A1BG: variants seen among roughly 807,000 people sequenced by gnomAD.
A1BG encodes the protein alpha-1-B glycoprotein.
In A1BG, 44 loss-of-function variants were observed where a neutral mutation model predicts 46.0. The ratio of observed to expected loss-of-function variants is 0.96; its 90% confidence interval spans 0.75 to 1.23. A1BG has a LOEUF of 1.23. A1BG is among the 50% of genes most tolerant of loss of function. The pLI, the probability that A1BG is intolerant of heterozygous loss-of-function variation, is 0.00. For missense variants in A1BG, 707 were observed against 688.8 expected (o/e 1.03, Z -0.30); for synonymous variants, 316 against 314.7 (o/e 1.00, Z -0.04).
In A1BG at chr19:58,351,523, C is replaced by T; in HGVS notation, c.778G>A (p.Asp260Asn). Residue 260 changes from aspartate (D) to asparagine (N), a missense_variant, in exon 5 of 8, where the codon GAT becomes AAT. Physicochemically the swap from Asp to Asn is conservative, Grantham distance 23. Transcript: ENST00000263100. ...LLVPRSSTSP[D>N]RIFFHLNAVA... Reference sequence around the variant, plus strand: ...GCGTTCAGGTGAAAGAAGATGCGATCTGGGCTGGTGCTGCTCCTGGGTACC... The same window carrying T: ...GCGTTCAGGTGAAAGAAGATGCGATTTGGGCTGGTGCTGCTCCTGGGTACC... 1 of 1,613,966 alleles carries T rather than the reference C, an allele frequency of 6.2e-7. No individual in the cohort carries two copies. The highest frequency in any genetic ancestry group is 8.5e-7 in the Non-Finnish European group (1 of 1,180,028).
chr19:58,351,309 A>C, intron 5 of A1BG, 82 bp downstream of exon 5: 1 of 1,533,380 alleles, frequency 6.5e-7, no homozygotes. Context: ...AGAGCACTGC[A>C]CTTCCCCAGA....
At chr19:58,351,158 T>C (rs1213442680) in intron 5 of A1BG, 1 of 604,766 alleles carries the variant, frequency 1.7e-6, no homozygotes, top group African/African-American at 1.9e-5. Context: ...TGCCAGGTGG[T>C]GCCCCCTGTG....
intron 4 of A1BG, 70 bp from the exon 5 acceptor site, chr19:58,351,757 T>G (rs1221980518): frequency 1.4e-6 from 2 of 1,445,760 alleles, no homozygotes; most frequent in Non-Finnish European, 1.9e-6. Flanking sequence ...CCCAGACCTC[T>G]GCCCTCCGGG....
chr19:58,350,930 A>G, intron 5 of A1BG: 1 of 429,318 alleles, frequency 2.3e-6, no homozygotes, highest in Non-Finnish European at 4.1e-6. Context: ...TGCCTGGTGC[A>G]CGATGCCGCT....
rs375150138 is a variant in A1BG at position 58,347,576 on chromosome 19, G to C, written c.1257C>G (p.Ala419=). 7.8e-6 allele frequency: 12 copies of C among 1,533,612 alleles called. No individual in the cohort carries two copies. The highest frequency in any genetic ancestry group is 1.2e-5 in the South Asian group (1 of 82,422). The part of the protein sequence containing the change: ...WSGAVLAGRD[A]VLRCEGPIPD... ...GGATGGGTCCCTCGCAGCGCAGGAC[G>C]GCATCTCGGCCCGCCAGGACCGCCC... Residue 419 remains alanine, a synonymous_variant, in exon 7 of 8, where the codon GCC becomes GCG. Transcript: ENST00000263100.
rs1358166926 is a variant in A1BG at position 58,352,340 on chromosome 19, T to C, written c.556A>G (p.Thr186Ala). The stretch of plus-strand genomic sequence containing the variant: ...TCAGAGAGGGCGCCTTCCCCATCGG[T>C]CCGGTAGCTGCAGCTGTAGTTGCCA... Reference protein sequence around the residue: ...QPGNYSCSYRTDGEGALSEPS... With the variant: ...QPGNYSCSYRADGEGALSEPS... The change falls in exon 4 of 8, where the codon ACC (threonine) becomes GCC (alanine). Residue 186 changes from threonine to alanine, a missense_variant. Transcript: ENST00000263100. 1 of 1,613,628 alleles carries C rather than the reference T, an allele frequency of 6.2e-7. No individual in the cohort carries two copies.
Position 58,346,550 on chromosome 19 carries a change from C to G in A1BG, c.*472G>C, listed in dbSNP as rs557315765. On this transcript the variant is annotated 3_prime_UTR_variant, in exon 8 of 8. Coordinates refer to ENST00000263100, the MANE Select transcript of A1BG (RefSeq NM_130786.4). ...ACAAGCTTGGGCAACACAGTGAGAC[C>G]CTGTCTACAAAAAATAATAATTAGC... 1.6e-5 allele frequency: 4 copies of G among 243,932 alleles called. No homozygotes were observed. Among genetic ancestry groups the G allele is most frequent in the Non-Finnish European group, 3.2e-5 (4 of 123,684 alleles). 15.1% of individuals were successfully genotyped at this position (243,932 alleles called of 1,614,324 possible). A position where few individuals can be genotyped will look rare whatever the true frequency, so the allele number is the denominator to read the frequency against.
chr19:58,352,847 C>T (rs1165793912), intron 3 of A1BG, 81 bp downstream of exon 3: 21 of 1,518,728 alleles, frequency 1.4e-5, no homozygotes, highest in Middle Eastern at 2.4e-4. Context: ...TCAGAGACAT[C>T]GGGTGACTTG....
chr19:58,347,628 C>G lies in A1BG; in HGVS notation c.1205G>C (p.Arg402Thr). ...ACTCCACGTCGCCCGGAGCTGAGGC[C>G]TGGGAGGGGGTCCTGGGCGGAGCGG... ...LELHVDGPPP[R>T]PQLRATWSGA... The change falls in exon 7 of 8, where the codon AGG becomes ACG. Residue 402 changes from arginine to threonine, a missense_variant. Arg to Thr is a moderately conservative substitution (Grantham distance 71). Transcript: ENST00000263100. 1 of 1,452,296 alleles carries G rather than the reference C, an allele frequency of 6.9e-7. No individual in the cohort carries two copies. The highest frequency in any genetic ancestry group is 1.4e-5 in the South Asian group (1 of 72,606). 90.0% of individuals were successfully genotyped at this position (1,452,296 alleles called of 1,614,324 possible).
chr19:58,347,103 C>G, intron 7 of A1BG, 74 bp from the exon 8 acceptor site: 1 of 1,574,462 alleles, frequency 6.4e-7, no homozygotes, highest in Non-Finnish European at 8.7e-7. Flanking sequence ...AAATCAAGGC[C>G]GACCTCCCTG....
chr19:58,349,704 G>A (rs929195438), intron 6 of A1BG: 2 of 149,936 alleles, frequency 1.3e-5, no homozygotes, highest in African/African-American at 4.9e-5. Context: ...AGATGGGGTT[G>A]GGGGGCAGAG....
rs1156537646 is a variant in A1BG at position 58,345,528 on chromosome 19, TGTG to T, written c.*1491_*1493del. 2 of 151,792 alleles carry T rather than the reference TGTG, an allele frequency of 1.3e-5. No individual in the cohort carries two copies. Among genetic ancestry groups the T allele is most frequent in the East Asian group, 3.9e-4 (2 of 5,178 alleles). 9.4% of individuals were successfully genotyped at this position (151,792 alleles called of 1,614,324 possible). On this transcript the variant is annotated 3_prime_UTR_variant, in exon 8 of 8. Coordinates refer to ENST00000263100, the MANE Select transcript of A1BG (RefSeq NM_130786.4). ...ACTAAAAACATAAAAATTAGCTGGG[TGTG>T]GTGGTGGGTGCCTGTCAGCCCAGCT... is the stretch of plus-strand genomic sequence containing the variant.
intron 4 of A1BG, 108 bp from the exon 5 acceptor site, chr19:58,351,795 CTTT>C (rs11452992): frequency 1.0e-3 from 761 of 757,868 alleles, no homozygotes; most frequent in Non-Finnish European, 1.3e-3. Context: ...CCCTTCCATT[CTTT>C]TTTTTTTTTT....
chr19:58,353,199 T>C lies in A1BG; in HGVS notation c.71-2A>G, dbSNP rs749622909. ...ACAGGCTGGGCTGCGTCTCATAAACTGCAAGGGGTGGCTGGGATCAGCTCA... is the reference window on the plus strand; with the variant it reads ...ACAGGCTGGGCTGCGTCTCATAAACCGCAAGGGGTGGCTGGGATCAGCTCA... On this transcript the variant is annotated splice_acceptor_variant, in intron 2 of 7. Transcript: ENST00000263100. LOFTEE classifies it high-confidence loss of function. 7 of 1,613,572 alleles carry C rather than the reference T, an allele frequency of 4.3e-6. No homozygotes were observed. In the South Asian group the frequency reaches 7.7e-5, roughly 18 times the overall value.
chr19:58,351,484 C>T lies in A1BG; in HGVS notation c.817G>A (p.Asp273Asn). 2 of 1,613,706 alleles carry T rather than the reference C, an allele frequency of 1.2e-6. No individual in the cohort carries two copies. The highest frequency in any genetic ancestry group is 1.7e-6 in the Non-Finnish European group (2 of 1,180,016). The change falls in exon 5 of 8, where the codon GAT (aspartate) becomes AAT (asparagine). Residue 273 changes from aspartate (D) to asparagine (N), a missense_variant. By Grantham distance (23) the Asp-to-Asn change is conservative (BLOSUM62 1). Transcript: ENST00000263100. Reference protein sequence around the residue: ...FFHLNAVALGDGGHYTCRYRL... With the variant: ...FFHLNAVALGNGGHYTCRYRL... Reference sequence around the variant, plus strand: ...TAGCGGCAGGTGTAGTGACCTCCATCCCCCAGGGCCACCGCGTTCAGGTGA... The same window carrying T: ...TAGCGGCAGGTGTAGTGACCTCCATTCCCCAGGGCCACCGCGTTCAGGTGA...
Position 58,347,712 on chromosome 19 carries a change from AC to A in A1BG, c.1193-73del, listed in dbSNP as rs2051926475. 1.1e-5 allele frequency: 4 copies of A among 377,616 alleles called. No homozygotes were observed. The South Asian group carries it at 3.3e-4, about 31-fold the overall frequency. 23.4% of individuals were successfully genotyped at this position (377,616 alleles called of 1,614,324 possible). A position where few individuals can be genotyped will look rare whatever the true frequency, so the allele number is the denominator to read the frequency against. ...CGCCCCAGGCCACACCCCAGGCCAC[AC>A]CCCAGGCCGCGCCCGCGCCTGCGCC... is the stretch of plus-strand genomic sequence containing the variant. On this transcript the variant is annotated intron_variant, in intron 6 of 7. Coordinates refer to ENST00000263100, the MANE Select transcript of A1BG (RefSeq NM_130786.4).
chr19:58,347,955 G>A lies in A1BG; in HGVS notation c.1193-315C>T, dbSNP rs1483227952. On this transcript the variant is annotated intron_variant, in intron 6 of 7. Coordinates refer to ENST00000263100, the MANE Select transcript of A1BG (RefSeq NM_130786.4). ...TCACTCTGACGGGTGAAGGGAAGAA[G>A]AAATGATGGAGAAAACGGTGCTCCT... 2.9e-4 allele frequency: 73 copies of A among 247,524 alleles called. 1 individual carries two copies. The highest frequency in any genetic ancestry group is 4.7e-5 in the Non-Finnish European group (6 of 128,804). The allele number at this position is 247,524 out of a possible 1,614,324, so 15.3% of individuals were successfully genotyped here.
At position 58,350,423 on chromosome 19, in the gene A1BG, T is replaced by C. The variant is rs1431319975; in HGVS notation, c.1139A>G (p.Lys380Arg). The C allele has an allele frequency of 6.4e-7, 1 of 1,550,866 alleles. No homozygotes were observed. The highest frequency in any genetic ancestry group is 2.0e-5 in the Admixed American group (1 of 51,132). ...ANYSCVYVDL[K>R]PPFGGSAPSE... ...GGGCGCGGAGCCCCCGAAAGGCGGCTTCAGGTCCACGTAGACGCAGCTGTA... is the reference window on the plus strand; with the variant it reads ...GGGCGCGGAGCCCCCGAAAGGCGGCCTCAGGTCCACGTAGACGCAGCTGTA... Residue 380 changes from lysine (K) to arginine (R), a missense_variant, in exon 6 of 8, where the codon AAG (lysine) becomes AGG (arginine). Physicochemically the swap from Lys to Arg is conservative, Grantham distance 26 (BLOSUM62 2). Transcript: ENST00000263100.
intron 4 of A1BG, 91 bp from the exon 5 acceptor site, chr19:58,351,778 AG>A (rs1236132476): frequency 1.6e-6 from 2 of 1,232,188 alleles, no homozygotes; most frequent in Non-Finnish European, 2.2e-6. Context: ...TGGCAATCCC[AG>A]GAACACCCTT....
Sources: gnomAD v4.1 joint callset for allele counts on GRCh38, gnomAD v4.1.1 for gene constraint, MANE v1.5 for transcripts, NCBI Gene and HGNC (gene_info 2026-07-23, HGNC 2026-07-21) for gene names.